Variants in IQSEC1 observed in about 807,000 individuals in gnomAD.
IQSEC1 encodes the protein IQ motif and Sec7 domain ArfGEF 1.
IQSEC1 carries 31 observed loss-of-function variants against 91.0 expected under a neutral mutation model. That is an observed-to-expected ratio of 0.34 (90% CI 0.26 to 0.46). The LOEUF (loss-of-function observed/expected upper bound fraction) is 0.46. Ranked by LOEUF, IQSEC1 falls within the 20% of genes least tolerant of loss-of-function variation. The pLI, the probability that IQSEC1 is intolerant of heterozygous loss-of-function variation, is 1.00. For synonymous variants in IQSEC1, 699 were observed against 662.6 expected (o/e 1.05, Z -0.84); for missense variants, 1,388 against 1,575.6 (o/e 0.88, Z 2.02).
chr3:13,265,828 C>G (rs1695479431), intron 1 of IQSEC1, among the ~76,000 whole-genome samples: 1 of 148,978 alleles, frequency 6.7e-6, no homozygotes, highest in Non-Finnish European at 1.5e-5. Context: ...CAGAGTCACA[C>G]AGCCACATGT....
At chr3:13,227,573 G>C (rs1418378629) in intron 1 of IQSEC1, among the ~76,000 whole-genome samples, 1 of 152,070 alleles carries the variant, frequency 6.6e-6, no homozygotes, top group African/African-American at 2.4e-5. Flanking sequence ...TTGTCACCTG[G>C]GTGAGGTGGG....
At chr3:13,117,493 C>T (rs550605901) in intron 2 of IQSEC1, among the ~76,000 whole-genome samples, 2 of 144,680 alleles carry the variant, frequency 1.4e-5, no homozygotes, top group African/African-American at 5.3e-5. Context: ...ATCGCATGAA[C>T]CCGGGAGGCA....
intron 6 of IQSEC1, among the ~76,000 whole-genome samples, chr3:12,920,012 A>G (rs1559622252): frequency 6.6e-6 from 1 of 152,288 alleles, no homozygotes; most frequent in Non-Finnish European, 1.5e-5. Flanking sequence ...TCTTGCAAAG[A>G]AAAGAAAGAA....
chr3:12,905,817 G>A (rs889259838), intron 12 of IQSEC1, among the ~76,000 whole-genome samples: 2 of 152,260 alleles, frequency 1.3e-5, no homozygotes, highest in Non-Finnish European at 2.9e-5. Flanking sequence ...TGGCCAGGGA[G>A]GGGCAGGAGG....
chr3:13,177,099 T>G (rs775601899), intron 1 of IQSEC1, among the ~76,000 whole-genome samples: 1 of 152,192 alleles, frequency 6.6e-6, no homozygotes. Flanking sequence ...TTTGGGCTGA[T>G]GCGAATGTTC....
intron 1 of IQSEC1, among the ~76,000 whole-genome samples, chr3:13,072,543 C>G (rs900652367): frequency 3.3e-5 from 5 of 152,222 alleles, no homozygotes; most frequent in African/African-American, 1.2e-4. Context: ...TGGACCTTCA[C>G]CTGCCCTTGG....
intron 2 of IQSEC1, among the ~76,000 whole-genome samples, chr3:13,089,343 G>A (rs974541240): frequency 2.0e-5 from 3 of 152,254 alleles, no homozygotes; most frequent in Admixed American, 2.0e-4. Flanking sequence ...ACTTTGGGAG[G>A]CTGAGGCTGG....
chr3:13,108,208 T>G (rs985503604), intron 2 of IQSEC1, among the ~76,000 whole-genome samples: 4 of 152,186 alleles, frequency 2.6e-5, no homozygotes, highest in African/African-American at 7.2e-5. Flanking sequence ...TTCTTTCCCC[T>G]CATTTTTTAA....
At position 13,193,927 on chromosome 3, in the gene IQSEC1, G is replaced by T. The variant is rs1224240471; in HGVS notation, c.273-29794C>A. Among the ~76,000 whole-genome samples, 1 of 152,200 alleles carries T rather than the reference G, an allele frequency of 6.6e-6. No individual in the cohort carries two copies. The highest frequency in any genetic ancestry group is 1.5e-5 in the Non-Finnish European group (1 of 68,040). Reference sequence around the variant, plus strand: ...ACAGACCAAGCTTGGTTTCCTCACAGCTCTGGAGCCTGGAATTCGGAAAGC... The same window carrying T: ...ACAGACCAAGCTTGGTTTCCTCACATCTCTGGAGCCTGGAATTCGGAAAGC... On this transcript the variant is annotated intron_variant, in intron 1 of 15. Coordinates refer to the IQSEC1 transcript ENST00000648114. This position sits in a 1 kb window ranked among gnomAD's most constrained non-coding sequence, Gnocchi z 4.2.
chr3:13,044,839 G>C (rs1237768350), intron 1 of IQSEC1, among the ~76,000 whole-genome samples: 1 of 152,250 alleles, frequency 6.6e-6, no homozygotes, highest in Non-Finnish European at 1.5e-5. Flanking sequence ...ACCTCCGAAG[G>C]CTGGGATTCT....
chr3:13,159,355 G>A (rs1707129772), intron 2 of IQSEC1, among the ~76,000 whole-genome samples: 1 of 152,106 alleles, frequency 6.6e-6, no homozygotes, highest in South Asian at 2.1e-4. Flanking sequence ...CTTGAACCTG[G>A]GAAGTGAAGG....
chr3:13,237,571 G>A (rs1039147919), intron 1 of IQSEC1, among the ~76,000 whole-genome samples: 12 of 152,210 alleles, frequency 7.9e-5, no homozygotes, highest in African/African-American at 2.7e-4. Flanking sequence ...CTGAGCTGCT[G>A]GGCTGCGCAC....
intron 1 of IQSEC1, among the ~76,000 whole-genome samples, chr3:13,200,651 G>A (rs886157067): frequency 2.0e-5 from 3 of 152,226 alleles, no homozygotes; most frequent in Non-Finnish European, 4.4e-5. Flanking sequence ...GGGGAAGAAC[G>A]GCTGCTAGCC....
In IQSEC1 at chr3:12,912,981, G is replaced by C. The variant is rs555301932; in HGVS notation, c.2316+447C>G. Among the ~76,000 whole-genome samples, 6 of 152,364 alleles carry C rather than the reference G, an allele frequency of 3.9e-5. No individual in the cohort carries two copies. The East Asian group carries it at 1.2e-3, about 29-fold the overall frequency. On this transcript the variant is annotated intron_variant, in intron 9 of 13. Transcript: ENST00000613206. ...AAGCACTGCACCTGCCTGGCCTGGAGAGGCTTAGGGAGGGATGTGCAGCGA... is the reference window on the plus strand; with the variant it reads ...AAGCACTGCACCTGCCTGGCCTGGACAGGCTTAGGGAGGGATGTGCAGCGA...
At chr3:13,149,708 C>T (rs920553430) in intron 2 of IQSEC1, among the ~76,000 whole-genome samples, 4 of 151,990 alleles carry the variant, frequency 2.6e-5, no homozygotes, top group African/African-American at 4.8e-5. Context: ...CTGGCAGCTC[C>T]GCCTCCCCCA....
intron 1 of IQSEC1, among the ~76,000 whole-genome samples, chr3:13,201,438 C>T (rs1447153118): frequency 6.6e-6 from 1 of 152,230 alleles, no homozygotes; most frequent in East Asian, 1.9e-4. Context: ...TCCAGTGATC[C>T]TCCCACCTCA....
chr3:13,083,857 A>G (rs1330318345), intron 2 of IQSEC1, among the ~76,000 whole-genome samples: 1 of 152,224 alleles, frequency 6.6e-6, no homozygotes, highest in Non-Finnish European at 1.5e-5. Context: ...CATGGAGCCG[A>G]GCTCAGCGAC....
At chr3:13,132,149 T>C (rs1215683734) in intron 2 of IQSEC1, among the ~76,000 whole-genome samples, 2 of 152,246 alleles carry the variant, frequency 1.3e-5, no homozygotes, top group African/African-American at 4.8e-5. Context: ...TGTCATGAGA[T>C]GCAGTGAAAT....
rs1297130727 is a variant in IQSEC1 at position 12,897,688 on chromosome 3, C to G, written c.*3295G>C. 1 of 152,242 alleles carries G rather than the reference C, an allele frequency of 6.6e-6. No homozygotes were observed. Among genetic ancestry groups the G allele is most frequent in the East Asian group, 1.9e-4 (1 of 5,200 alleles). The allele number at this position is 152,242 out of a possible 1,614,324, so 9.4% of individuals were successfully genotyped here. ...GGGTGATGATATTTTACAAGGAGAA[C>G]TGTAAGACTGTGCGTGCTTACCTGC... On this transcript the variant is annotated 3_prime_UTR_variant, in exon 14 of 14. Transcript: ENST00000613206.
Sources: allele counts gnomAD v4.1 joint callset (sites outside exome capture counted in the v4.1 genomes callset), GRCh38; gene constraint gnomAD v4.1.1; non-coding constraint Gnocchi (gnomAD v3.1); transcripts MANE v1.5; gene names NCBI Gene and HGNC (gene_info 2026-07-23, HGNC 2026-07-21).